NBEA: variants seen among roughly 807,000 people sequenced by gnomAD.
The protein encoded by NBEA is lysosomal-trafficking regulator 2.
NBEA carries 44 observed loss-of-function variants against 343.4 expected under a neutral mutation model. The observed-to-expected ratio is 0.13, with a 90% CI of 0.10 to 0.16. NBEA has a LOEUF of 0.16. Ranked by LOEUF, NBEA falls within the 10% of genes least tolerant of loss-of-function variation. NBEA has a pLI of 1.00. For synonymous variants in NBEA, 1,175 were observed against 1,238.7 expected (o/e 0.95, Z 1.08); for missense variants, 2,555 against 3,631.3 (o/e 0.70, Z 7.62).
intron 38 of NBEA, among the ~76,000 whole-genome samples, chr13:35,429,087 C>G (rs1302567074): frequency 6.6e-6 from 1 of 152,174 alleles, no homozygotes; most frequent in African/African-American, 2.4e-5. Flanking sequence ...TACTCTGACA[C>G]TTCCCCAGTG....
intron 38 of NBEA, among the ~76,000 whole-genome samples, chr13:35,413,305 G>T (rs1219911236): frequency 6.6e-6 from 1 of 152,240 alleles, no homozygotes. Context: ...TGACCTCAAT[G>T]ATTACCACTT....
chr13:35,210,296 A>T (rs568975600), intron 32 of NBEA, among the ~76,000 whole-genome samples: 2 of 151,048 alleles, frequency 1.3e-5, no homozygotes, highest in East Asian at 1.9e-4. Flanking sequence ...GTGTGTGTGT[A>T]TGTGTGTGTG....
intron 35 of NBEA, among the ~76,000 whole-genome samples, chr13:35,306,428 T>C (rs1328250253): frequency 6.6e-6 from 1 of 152,124 alleles, no homozygotes; most frequent in Non-Finnish European, 1.5e-5. Context: ...TCTCTGTCTT[T>C]TTGGTTGTAC....
intron 11 of NBEA, among the ~76,000 whole-genome samples, chr13:35,107,428 A>G (rs1002254864): frequency 6.6e-6 from 1 of 151,908 alleles, no homozygotes; most frequent in South Asian, 2.1e-4. Flanking sequence ...CAGACACATA[A>G]TTCTATTATA....
At position 34,942,866 on chromosome 13, in the gene NBEA, C is replaced by G; in HGVS notation, c.46C>G (p.Pro16Ala). The stretch of plus-strand genomic sequence containing the variant: ...CCCGGGCCCGGGGCTCGAGCCTCAG[C>G]CCGTGGGGCTCATTGCCGTCGGGGC... The part of the protein sequence containing the change: ...PGPGPGLEPQ[P>A]VGLIAVGAAG... Residue 16 changes from proline (P) to alanine (A), a missense_variant, in exon 1 of 59, where the codon CCC (proline) becomes GCC (alanine). Pro to Ala is a conservative substitution (Grantham distance 27). Coordinates refer to ENST00000379939, the MANE Select transcript of NBEA (RefSeq NM_001385012.1). 1 of 1,399,448 alleles carries G rather than the reference C, an allele frequency of 7.1e-7. No individual in the cohort carries two copies. Among genetic ancestry groups the G allele is most frequent in the South Asian group, 1.5e-5 (1 of 67,654 alleles). 86.7% of individuals were successfully genotyped at this position (1,399,448 alleles called of 1,614,324 possible). A position where few individuals can be genotyped will look rare whatever the true frequency, so the allele number is the denominator to read the frequency against.
rs181700012 is a variant in NBEA, at chr13:35,554,054, A to G, written c.6807-933A>G. On this transcript the variant is annotated intron_variant, in intron 43 of 58. Coordinates refer to ENST00000379939, the MANE Select transcript of NBEA (RefSeq NM_001385012.1). ...TCAGAAGCTGTGCAGTTTCCAACAGACATACACACCCCATTAGTAAATGTG... is the reference window on the plus strand; with the variant it reads ...TCAGAAGCTGTGCAGTTTCCAACAGGCATACACACCCCATTAGTAAATGTG... 2.8e-3 allele frequency among the ~76,000 whole-genome samples: 424 copies of G among 152,278 alleles called. 5 individuals are homozygous for G. The highest frequency in any genetic ancestry group is 9.1e-3 in the African/African-American group (378 of 41,550).
At chr13:35,441,659 A>G (rs941150618) in intron 39 of NBEA, among the ~76,000 whole-genome samples, 7 of 152,100 alleles carry the variant, frequency 4.6e-5, no homozygotes, top group Admixed American at 6.6e-5. Context: ...AATTTACTAA[A>G]TGTGCCATGG....
At chr13:35,172,696 C>T (rs1017308518) in intron 26 of NBEA, among the ~76,000 whole-genome samples, 1 of 152,028 alleles carries the variant, frequency 6.6e-6, no homozygotes, top group Non-Finnish European at 1.5e-5. Flanking sequence ...TATATTAATT[C>T]AGTTAATCCT....
intron 1 of NBEA, among the ~76,000 whole-genome samples, chr13:35,012,170 C>T (rs1007089925): frequency 6.6e-6 from 1 of 152,148 alleles, no homozygotes; most frequent in Non-Finnish European, 1.5e-5. Context: ...TTTATTGGCT[C>T]ACAGTTTTGG....
chr13:35,440,116 G>A (rs755452202), intron 39 of NBEA, among the ~76,000 whole-genome samples: 3 of 152,174 alleles, frequency 2.0e-5, no homozygotes, highest in Non-Finnish European at 4.4e-5. Flanking sequence ...TTGACCTTAG[G>A]TGATCCACCC....
chr13:35,565,431 T>A (rs998646083), intron 44 of NBEA, among the ~76,000 whole-genome samples: 2 of 152,146 alleles, frequency 1.3e-5, no homozygotes, highest in Non-Finnish European at 2.9e-5. Context: ...AGAGCAGATA[T>A]CATTTAATGT....
intron 49 of NBEA, among the ~76,000 whole-genome samples, chr13:35,637,459 A>G (rs1432465237): frequency 6.6e-6 from 1 of 152,194 alleles, no homozygotes. Flanking sequence ...ATATATATCC[A>G]AAAGAATTGA....
intron 1 of NBEA, among the ~76,000 whole-genome samples, chr13:34,970,726 T>A (rs2059971630): frequency 6.6e-6 from 1 of 152,138 alleles, no homozygotes; most frequent in African/African-American, 2.4e-5. Flanking sequence ...TTTTTTCTGT[T>A]GATCTGTGTG....
intron 10 of NBEA, among the ~76,000 whole-genome samples, chr13:35,090,466 C>T (rs17189905): frequency 6.6e-6 from 1 of 151,844 alleles, no homozygotes; most frequent in South Asian, 2.1e-4. Context: ...TACTTGGTTT[C>T]TTAGCTGGTA....
chr13:35,162,664 C>G (rs549578841), intron 23 of NBEA, among the ~76,000 whole-genome samples: 1 of 152,012 alleles, frequency 6.6e-6, no homozygotes, highest in South Asian at 2.1e-4. Context: ...CCTTATATCT[C>G]GTGAGCCAGC....
chr13:35,196,207 A>G lies in NBEA; in HGVS notation c.5271A>G (p.Ile1757Met), dbSNP rs942360807. 6.2e-7 allele frequency: 1 copy of G among 1,613,670 alleles called. No individual in the cohort carries two copies. Among genetic ancestry groups the G allele is most frequent in the Admixed American group, 1.7e-5 (1 of 60,000 alleles). ...LKSLVAAPVE[I>M]AECGPEPIPY... ...GTCTTGTGGCTGCTCCAGTTGAAATAGCAGAATGTGGCCCTGAACCTATCC... is the reference window on the plus strand; with the variant it reads ...GTCTTGTGGCTGCTCCAGTTGAAATGGCAGAATGTGGCCCTGAACCTATCC... Residue 1757 changes from isoleucine to methionine, a missense_variant, in exon 31 of 59, where the codon ATA becomes ATG. This residue lies in a region of NBEA where 270 missense variants were observed against 293.3 expected (regional missense o/e 0.92). Transcript: ENST00000379939.
At chr13:35,307,751 A>G (rs2152830713) in intron 35 of NBEA, among the ~76,000 whole-genome samples, 1 of 152,198 alleles carries the variant, frequency 6.6e-6, no homozygotes, top group Middle Eastern at 3.4e-3. Flanking sequence ...CCCAATGAAT[A>G]TGAAGTATTT....
At chr13:35,244,837 T>C (rs1022831509) in intron 34 of NBEA, among the ~76,000 whole-genome samples, 16 of 152,106 alleles carry the variant, frequency 1.1e-4, no homozygotes, top group African/African-American at 3.9e-4. Context: ...TTTCACCTTT[T>C]GGTATTTTAT....
intron 31 of NBEA, among the ~76,000 whole-genome samples, chr13:35,201,514 C>A (rs192326287): frequency 2.6e-5 from 4 of 152,020 alleles, no homozygotes; most frequent in African/African-American, 9.6e-5. Flanking sequence ...TCAACGTTTT[C>A]TTTCAAGATA....
Sources: gnomAD v4.1 joint callset for allele counts (sites outside exome capture counted in the v4.1 genomes callset) on GRCh38, gnomAD v4.1.1 for gene constraint, gnomAD v4.1.1 regional missense constraint, MANE v1.5 for transcripts, NCBI Gene and HGNC (gene_info 2026-07-23, HGNC 2026-07-21) for gene names.